The following CSMD2 variants were observed in gnomAD, a reference collection of about 807,000 sequenced individuals.
CSMD2 encodes CUB and Sushi multiple domains 2.
A neutral mutation model predicts 398.5 loss-of-function variants in CSMD2; 130 were observed. The observed-to-expected ratio is 0.33, with a 90% CI of 0.28 to 0.38. The LOEUF (loss-of-function observed/expected upper bound fraction) is 0.38. CSMD2 is among the 10% of genes least tolerant of loss of function. The probability of loss-of-function intolerance (pLI) is 1.00; values close to 1 mark genes in which losing one functional copy is unlikely to be tolerated. For missense variants in CSMD2, 3,829 were observed against 4,764.9 expected, an observed-to-expected ratio of 0.80 and a Z score of 5.78; for synonymous variants, 1,828 against 1,908.5, an observed-to-expected ratio of 0.96 and a Z score of 1.10.
intron 22 of CSMD2, among the ~76,000 whole-genome samples, chr1:33,703,920 C>T (rs1645692268): frequency 6.6e-6 from 1 of 152,126 alleles, no homozygotes; most frequent in South Asian, 2.1e-4. Context: ...CCTTGATCGC[C>T]ATTGAAGTTG....
intron 5 of CSMD2, among the ~76,000 whole-genome samples, chr1:33,877,827 C>T (rs1640946223): frequency 6.6e-6 from 1 of 152,026 alleles, no homozygotes. Context: ...TGCTGCCAAG[C>T]CCCTGCCCTC....
intron 41 of CSMD2, chr1:33,605,757 A>C: frequency 1.1e-6 from 1 of 941,302 alleles, no homozygotes; most frequent in Non-Finnish European, 1.6e-6. Flanking sequence ...TTCCGTAGGA[A>C]AAGGAGGCTC....
intron 2 of CSMD2, among the ~76,000 whole-genome samples, chr1:34,057,921 G>A (rs1438389373): frequency 6.6e-6 from 1 of 152,200 alleles, no homozygotes; most frequent in Non-Finnish European, 1.5e-5. Flanking sequence ...GGGGGTTGGG[G>A]TGAGGAGGTG....
intron 24 of CSMD2, among the ~76,000 whole-genome samples, chr1:33,695,036 G>A (rs1186155134): frequency 6.6e-6 from 1 of 152,186 alleles, no homozygotes; most frequent in Non-Finnish European, 1.5e-5. Context: ...AAAGGACAGC[G>A]AGGGTCAGGG....
chr1:33,692,791 G>A, intron 25 of CSMD2, 139 bp downstream of exon 25: 1 of 1,086,002 alleles, frequency 9.2e-7, no homozygotes, highest in Non-Finnish European at 1.4e-6. Context: ...AAGGCATCCA[G>A]TATAGCAACC....
At chr1:34,100,624 A>T (rs765282453) in intron 1 of CSMD2, among the ~76,000 whole-genome samples, 4 of 152,218 alleles carry the variant, frequency 2.6e-5, no homozygotes, top group Non-Finnish European at 5.9e-5. Context: ...TAACGTGAGC[A>T]TTCCCTAAGA....
chr1:33,940,926 C>T (rs551497784), intron 3 of CSMD2, among the ~76,000 whole-genome samples: 15 of 152,266 alleles, frequency 9.9e-5, no homozygotes, highest in Admixed American at 3.9e-4. Context: ...ACCTGCTGGA[C>T]AGACATAGGA....
At chr1:33,924,208 A>G (rs1313595246) in intron 4 of CSMD2, among the ~76,000 whole-genome samples, 1 of 140,884 alleles carries the variant, frequency 7.1e-6, no homozygotes, top group Non-Finnish European at 1.5e-5. Context: ...TCACTCTTCT[A>G]AAAAAAAAAA....
chr1:33,896,192 A>T (rs940955104), intron 5 of CSMD2, among the ~76,000 whole-genome samples: 1 of 151,940 alleles, frequency 6.6e-6, no homozygotes, highest in Non-Finnish European at 1.5e-5. Context: ...TCCTAACTTC[A>T]TTATCAGGAA....
At chr1:33,521,624 C>T (rs533429773) in intron 67 of CSMD2, 74 bp from the exon 68 acceptor site, 28 of 958,826 alleles carry the variant, frequency 2.9e-5, no homozygotes, top group South Asian at 2.6e-5. Flanking sequence ...TCATCATACA[C>T]GCTGCCCAGC....
At chr1:33,546,769 T>C (rs1656944110) in intron 56 of CSMD2, among the ~76,000 whole-genome samples, 1 of 152,172 alleles carries the variant, frequency 6.6e-6, no homozygotes, top group Admixed American at 6.5e-5. Context: ...AGAAACATCT[T>C]TACTGGCTCC....
chr1:33,969,076 T>A (rs1402512806), intron 3 of CSMD2, among the ~76,000 whole-genome samples: 1 of 152,134 alleles, frequency 6.6e-6, no homozygotes, highest in South Asian at 2.1e-4. Flanking sequence ...AGGTGATCAT[T>A]GAAACGGTGG....
intron 3 of CSMD2, among the ~76,000 whole-genome samples, chr1:33,965,485 G>C (rs562309075): frequency 8.3e-4 from 126 of 152,274 alleles, no homozygotes; most frequent in African/African-American, 2.8e-3. Context: ...AAGGCCACGG[G>C]GTAAGTGTGA....
At position 33,605,431 on chromosome 1, in the gene CSMD2, G is replaced by A. The variant is rs1234007822; in HGVS notation, c.6383C>T (p.Ala2128Val). 14 of 1,614,070 alleles carry A rather than the reference G, an allele frequency of 8.7e-6. No homozygotes were observed. Among genetic ancestry groups the A allele is most frequent in the Non-Finnish European group, 1.2e-5 (14 of 1,180,036 alleles). Residue 2128 changes from alanine (A) to valine (V), a missense_variant, in exon 42 of 71, where the codon GCC (alanine) becomes GTC (valine). By Grantham distance (64) the Ala-to-Val change is moderately conservative. This residue lies in a region of CSMD2 where 2,001 missense variants were observed against 2,567.1 expected (regional missense o/e 0.78). Transcript: ENST00000373381. The part of the protein sequence containing the change: ...LQECPDPEPF[A>V]NGIVRGAGYN... ...GCCAGCTCCCCTCACAATGCCATTG[G>A]CAAAGGGCTCTGGGTCTGGGCACTC...
intron 2 of CSMD2, among the ~76,000 whole-genome samples, chr1:34,085,390 T>C (rs1657751582): frequency 6.6e-6 from 1 of 151,274 alleles, no homozygotes; most frequent in Non-Finnish European, 1.5e-5. Context: ...ATAATAATAA[T>C]AATAATAATA....
intron 68 of CSMD2, among the ~76,000 whole-genome samples, 177 bp from the exon 69 acceptor site, chr1:33,520,127 C>A (rs1379922808): frequency 6.6e-6 from 1 of 152,222 alleles, no homozygotes; most frequent in Non-Finnish European, 1.5e-5. Flanking sequence ...CACGTGCACA[C>A]TCAGTCCTTG....
chr1:34,103,785 T>C (rs993912914), intron 1 of CSMD2, among the ~76,000 whole-genome samples: 1 of 151,626 alleles, frequency 6.6e-6, no homozygotes, highest in African/African-American at 2.4e-5. Flanking sequence ...CAATTACTTT[T>C]GCACTAATCT....
Position 33,633,458 on chromosome 1 carries a change from A to G in CSMD2, c.5164T>C (p.Ser1722Pro). Reference sequence around the variant, plus strand: ...CCCGAGAGGGAGCTGAGGAGCCGCGAGTGCTGGCTGTGGCCGTCGTGAACC... The same window carrying G: ...CCCGAGAGGGAGCTGAGGAGCCGCGGGTGCTGGCTGTGGCCGTCGTGAACC... The part of the protein sequence containing the change: ...VEVHDGHSQH[S>P]RLLSSLSGSH... Residue 1722 changes from serine (S) to proline (P), a missense_variant, in exon 32 of 71, where the codon TCG (serine) becomes CCG (proline). By Grantham distance (74) the Ser-to-Pro change is moderately conservative. Coordinates refer to ENST00000373381, the MANE Select transcript of CSMD2 (RefSeq NM_001281956.2). This position sits in a 1 kb window ranked among gnomAD's most constrained non-coding sequence, Gnocchi z 5.0. The G allele has an allele frequency of 6.4e-7, 1 of 1,554,368 alleles. No individual in the cohort carries two copies. Among genetic ancestry groups the G allele is most frequent in the Non-Finnish European group, 8.7e-7 (1 of 1,148,492 alleles).
At chr1:33,579,691 T>C (rs2148721416) in intron 48 of CSMD2, among the ~76,000 whole-genome samples, 1 of 152,054 alleles carries the variant, frequency 6.6e-6, no homozygotes, top group South Asian at 2.1e-4. Context: ...ATTTTTTTTT[T>C]TTTTGAGACA....
Sources: allele counts gnomAD v4.1 joint callset (sites outside exome capture counted in the v4.1 genomes callset), GRCh38; gene constraint gnomAD v4.1.1; regional missense constraint gnomAD v4.1.1; non-coding constraint Gnocchi (gnomAD v3.1); transcripts MANE v1.5; gene names NCBI Gene and HGNC (gene_info 2026-07-23, HGNC 2026-07-21).